The following CRYL1 variants were observed in gnomAD, a reference collection of about 807,000 sequenced individuals.
CRYL1 encodes the protein crystallin lambda 1, also known as lambda-crystallin homolog.
A neutral mutation model predicts 36.6 loss-of-function variants in CRYL1; 29 were observed. That is an observed-to-expected ratio of 0.79 (90% CI 0.59 to 1.08). The LOEUF (loss-of-function observed/expected upper bound fraction) is 1.08. CRYL1 is among the 50% of genes least tolerant of loss of function. The probability of loss-of-function intolerance (pLI) is 0.00; values close to 1 mark genes in which losing one functional copy is unlikely to be tolerated. For missense variants in CRYL1, 411 were observed against 407.9 expected (o/e 1.01, Z -0.06); for synonymous variants, 152 against 151.5 (o/e 1.00, Z -0.02).
At chr13:20,417,928 A>G (rs1380188916) in intron 5 of CRYL1, among the ~76,000 whole-genome samples, 1 of 152,256 alleles carries the variant, frequency 6.6e-6, no homozygotes, top group African/African-American at 2.4e-5. Context: ...AGATTCACAC[A>G]CATACACACA....
At chr13:20,459,394 C>A (rs1037049960) in intron 3 of CRYL1, among the ~76,000 whole-genome samples, 2 of 152,102 alleles carry the variant, frequency 1.3e-5, no homozygotes, top group African/African-American at 4.8e-5. Context: ...AAGACACATG[C>A]ACAGGTTACA....
At chr13:20,506,681 A>G (rs1304733215) in intron 2 of CRYL1, among the ~76,000 whole-genome samples, 8 of 152,334 alleles carry the variant, frequency 5.3e-5, no homozygotes, top group Non-Finnish European at 1.2e-4. Context: ...AGGACTTTCA[A>G]TTAGGAACCG....
At position 20,510,208 on chromosome 13, in the gene CRYL1, A is replaced by G. The variant is rs150883959; in HGVS notation, c.149+2235T>C. Among the ~76,000 whole-genome samples the G allele has an allele frequency of 2.4e-4, 37 of 152,368 alleles. 1 individual carries two copies. The highest frequency in any genetic ancestry group is 7.9e-4 in the African/African-American group (33 of 41,596). On this transcript the variant is annotated intron_variant, in intron 2 of 7. Transcript: ENST00000298248. ...CTTATGTCCATACAAAAACCTGCAC[A>G]TGGAATTTAGAGCAACTTTACTCAT...
intron 3 of CRYL1, among the ~76,000 whole-genome samples, chr13:20,476,243 C>G (rs2033164800): frequency 6.6e-6 from 1 of 151,808 alleles, no homozygotes; most frequent in African/African-American, 2.4e-5. Flanking sequence ...ATAATCCCAG[C>G]TACCAGGAGG....
intron 5 of CRYL1, chr13:20,426,662 C>A: frequency 1.0e-6 from 1 of 982,906 alleles, no homozygotes; most frequent in Non-Finnish European, 1.2e-6. Context: ...TGATATTCAA[C>A]AGAAACCTTT....
chr13:20,494,802 C>T (rs1011113920), intron 2 of CRYL1, among the ~76,000 whole-genome samples: 5 of 152,206 alleles, frequency 3.3e-5, no homozygotes, highest in African/African-American at 9.6e-5. Context: ...CACAACCACT[C>T]GCCTCTTTCA....
chr13:20,455,029 G>A (rs181302259), intron 3 of CRYL1, among the ~76,000 whole-genome samples: 11 of 152,244 alleles, frequency 7.2e-5, no homozygotes, highest in African/African-American at 2.6e-4. Context: ...AGACATAAAT[G>A]CCTACATAGA....
chr13:20,489,163 C>G (rs1229497884), intron 3 of CRYL1, among the ~76,000 whole-genome samples: 1 of 152,184 alleles, frequency 6.6e-6, no homozygotes, highest in Non-Finnish European at 1.5e-5. Context: ...TCTCTTGAAA[C>G]AGAACATTGT....
chr13:20,443,507 C>T (rs1316721803), intron 3 of CRYL1, among the ~76,000 whole-genome samples: 1 of 152,150 alleles, frequency 6.6e-6, no homozygotes, highest in Non-Finnish European at 1.5e-5. Flanking sequence ...AGTCTCCTGC[C>T]TCAGCCTTCC....
At chr13:20,414,584 T>C (rs2031609854) in intron 5 of CRYL1, among the ~76,000 whole-genome samples, 1 of 152,190 alleles carries the variant, frequency 6.6e-6, no homozygotes, top group Non-Finnish European at 1.5e-5. Context: ...CAGCTTTTAA[T>C]GAGTTCGTAA....
At chr13:20,432,363 CTGAA>C in intron 4 of CRYL1, 67 bp from the exon 5 acceptor site, 2 of 1,222,820 alleles carry the variant, frequency 1.6e-6, no homozygotes, top group Non-Finnish European at 2.3e-6. Flanking sequence ...TGCACCCACC[CTGAA>C]TGGTCAGGAG....
chr13:20,409,652 C>T (rs2031468998), intron 6 of CRYL1, among the ~76,000 whole-genome samples: 1 of 152,074 alleles, frequency 6.6e-6, no homozygotes, highest in Non-Finnish European at 1.5e-5. Flanking sequence ...GGGCTAATAT[C>T]CAGAATCTAC....
intron 2 of CRYL1, among the ~76,000 whole-genome samples, chr13:20,508,902 C>CATT (rs1396031957): frequency 1.6e-5 from 2 of 128,940 alleles, no homozygotes; most frequent in African/African-American, 6.5e-5. Flanking sequence ...ACAACAACAA[C>CATT]ATTTTGGGCC....
chr13:20,499,223 G>A (rs1412589016), intron 2 of CRYL1, among the ~76,000 whole-genome samples: 1 of 152,000 alleles, frequency 6.6e-6, no homozygotes, highest in Non-Finnish European at 1.5e-5. Flanking sequence ...GCGCATGCCT[G>A]TAGTCTCAGC....
At chr13:20,429,350 G>C (rs1005560672) in intron 5 of CRYL1, among the ~76,000 whole-genome samples, 2 of 152,208 alleles carry the variant, frequency 1.3e-5, no homozygotes, top group African/African-American at 4.8e-5. Context: ...CATCTGGCTT[G>C]GAAGTTGTGA....
intron 3 of CRYL1, among the ~76,000 whole-genome samples, chr13:20,466,603 A>G (rs893370118): frequency 2.6e-4 from 39 of 152,180 alleles, no homozygotes; most frequent in South Asian, 8.3e-4. Flanking sequence ...CATTGCATAC[A>G]TATCAGACTG....
intron 6 of CRYL1, among the ~76,000 whole-genome samples, chr13:20,413,029 CCT>C (rs1189683823): frequency 6.6e-6 from 1 of 152,178 alleles, no homozygotes; most frequent in Non-Finnish European, 1.5e-5. Flanking sequence ...ACATCACCAA[CCT>C]CTCTTCCTTT....
chr13:20,422,715 C>G (rs1473533271), intron 5 of CRYL1, among the ~76,000 whole-genome samples: 8 of 152,228 alleles, frequency 5.3e-5, no homozygotes, highest in Non-Finnish European at 2.9e-5. Context: ...CACTCCTGCT[C>G]TCCTTTTGGA....
rs1364573218 is a variant in CRYL1 at position 20,404,055 on chromosome 13, G to A, written c.*74C>T. 3 of 1,025,938 alleles carry A rather than the reference G, an allele frequency of 2.9e-6. No individual in the cohort carries two copies. Among genetic ancestry groups the A allele is most frequent in the Non-Finnish European group, 4.6e-6 (3 of 657,344 alleles). The allele number at this position is 1,025,938 out of a possible 1,614,324, so 63.6% of individuals were successfully genotyped here. ...CGTGGGCTGCTACCTATGTCACAGAGGGCTGATTAAGGGCTTGCAGTGTTC... is the reference window on the plus strand; with the variant it reads ...CGTGGGCTGCTACCTATGTCACAGAAGGCTGATTAAGGGCTTGCAGTGTTC... On this transcript the variant is annotated 3_prime_UTR_variant, in exon 8 of 8. Coordinates refer to ENST00000298248, the MANE Select transcript of CRYL1 (RefSeq NM_015974.3).
Sources: gnomAD v4.1 joint callset for allele counts (sites outside exome capture counted in the v4.1 genomes callset) on GRCh38, gnomAD v4.1.1 for gene constraint, MANE v1.5 for transcripts, NCBI Gene and HGNC (gene_info 2026-07-23, HGNC 2026-07-21) for gene names.